Variants in MED12L observed in about 807,000 individuals in gnomAD.
The protein encoded by MED12L is mediator of RNA polymerase II transcription subunit 12-like protein.
In MED12L, 60 loss-of-function variants were observed where a neutral mutation model predicts 281.3. That is an observed-to-expected ratio of 0.21 (90% CI 0.17 to 0.26). The LOEUF (loss-of-function observed/expected upper bound fraction) is 0.26, where lower values mean the gene tolerates loss of function less well. Ranked by LOEUF, MED12L falls within the 10% of genes least tolerant of loss-of-function variation. The probability of loss-of-function intolerance (pLI) is 1.00; values close to 1 mark genes in which losing one functional copy is unlikely to be tolerated. For missense variants in MED12L, 2,146 were observed against 2,680.9 expected (o/e 0.80, Z 4.41); for synonymous variants, 974 against 987.2 (o/e 0.99, Z 0.25).
intron 16 of MED12L, among the ~76,000 whole-genome samples, chr3:151,240,157 G>T (rs16863276): frequency 6.6e-6 from 1 of 151,912 alleles, no homozygotes; most frequent in Non-Finnish European, 1.5e-5. Flanking sequence ...GAGTGGCCCC[G>T]TTTTTTAGAG....
chr3:151,361,315 C>T (rs919688123), intron 21 of MED12L, among the ~76,000 whole-genome samples: 1 of 151,882 alleles, frequency 6.6e-6, no homozygotes, highest in East Asian at 1.9e-4. Flanking sequence ...TGACCAGTAC[C>T]CTCACTGAAT....
intron 16 of MED12L, among the ~76,000 whole-genome samples, chr3:151,241,281 A>G (rs1208996016): frequency 1.3e-5 from 2 of 152,248 alleles, no homozygotes; most frequent in Non-Finnish European, 2.9e-5. Flanking sequence ...ACCAAAGGTT[A>G]TTAGTAAAAT....
chr3:151,393,379 C>T (rs1179774632), intron 38 of MED12L, among the ~76,000 whole-genome samples: 1 of 152,094 alleles, frequency 6.6e-6, no homozygotes, highest in East Asian at 1.9e-4. Flanking sequence ...AAGGTTTAGT[C>T]AATTACGGTG....
intron 16 of MED12L, among the ~76,000 whole-genome samples, chr3:151,231,775 A>G (rs1261444627): frequency 6.6e-4 from 100 of 152,226 alleles, no homozygotes; most frequent in Admixed American, 6.5e-3. Flanking sequence ...AATATTACTG[A>G]GTAATAATCT....
At chr3:151,315,012 ACTGGGGGATG>A (rs1283736948) in intron 16 of MED12L, among the ~76,000 whole-genome samples, 1 of 152,076 alleles carries the variant, frequency 6.6e-6, no homozygotes, top group Non-Finnish European at 1.5e-5. Context: ...TACCCTGGAG[ACTGGGGGATG>A]CTTCTAGGGA....
intron 27 of MED12L, 127 bp from the exon 28 acceptor site, chr3:151,375,899 G>A (rs1234287199): frequency 9.4e-6 from 5 of 534,096 alleles, no homozygotes; most frequent in Non-Finnish European, 1.4e-5. Context: ...ACTTTTTAAT[G>A]TAATTTTTTA....
chr3:151,095,751 C>G (rs1204501733), intron 2 of MED12L, among the ~76,000 whole-genome samples: 1 of 151,888 alleles, frequency 6.6e-6, no homozygotes, highest in Non-Finnish European at 1.5e-5. Flanking sequence ...TTTTTAAAGC[C>G]AGATCCTAGC....
chr3:151,138,657 G>T (rs943085558), intron 5 of MED12L, among the ~76,000 whole-genome samples: 12 of 152,118 alleles, frequency 7.9e-5, no homozygotes, highest in African/African-American at 2.9e-4. Context: ...GTTATCTTCT[G>T]TTGGAATTTG....
intron 37 of MED12L, among the ~76,000 whole-genome samples, chr3:151,388,979 A>G (rs1021916423): frequency 6.6e-6 from 1 of 152,236 alleles, no homozygotes; most frequent in African/African-American, 2.4e-5. Flanking sequence ...TCATTCAGAT[A>G]TTCATGATTG....
chr3:151,294,921 A>G, intron 16 of MED12L: 1 of 1,614,184 alleles, frequency 6.2e-7, no homozygotes, highest in East Asian at 2.2e-5. Flanking sequence ...ATAAACTTGA[A>G]GTACCAAGGT....
At position 151,345,574 on chromosome 3, in the gene MED12L, A is replaced by G. The variant is rs546577038; in HGVS notation, c.2251-4485A>G. ...CTCTTGTCACCCAGGCTGGAGTGCA[A>G]TGGCACCATCTCGGCTCACTGCAAC... is the stretch of plus-strand genomic sequence containing the variant. On this transcript the variant is annotated intron_variant, in intron 16 of 44. Coordinates refer to ENST00000687756, the MANE Select transcript of MED12L (RefSeq NM_001393769.1). Among the ~76,000 whole-genome samples, 6 of 147,332 alleles carry G rather than the reference A, an allele frequency of 4.1e-5. No individual in the cohort carries two copies. In the South Asian group the frequency reaches 6.4e-4, roughly 16 times the overall value.
intron 16 of MED12L, among the ~76,000 whole-genome samples, chr3:151,285,774 C>T (rs564872289): frequency 6.6e-6 from 1 of 152,166 alleles, no homozygotes; most frequent in East Asian, 1.9e-4. Flanking sequence ...GTGACTAGGC[C>T]ATGAGGGTAG....
Position 151,165,991 on chromosome 3 carries a change from TTTTTTTTTAA to T in MED12L, c.1494+12_1494+21del. Reference sequence around the variant, plus strand: ...ACAAAGATAACCAAGAGGTAGTTAATTTTTTTTTAATTCTTTTCACCTTTTATTTTCATAG... The same window carrying T: ...ACAAAGATAACCAAGAGGTAGTTAATTTCTTTTCACCTTTTATTTTCATAG... On this transcript the variant is annotated intron_variant, in intron 11 of 44. Coordinates refer to ENST00000687756, the MANE Select transcript of MED12L (RefSeq NM_001393769.1). The T allele has an allele frequency of 6.5e-7, 1 of 1,546,280 alleles. No individual in the cohort carries two copies.
At chr3:151,276,689 G>T (rs1262483524) in intron 16 of MED12L, among the ~76,000 whole-genome samples, 1 of 152,188 alleles carries the variant, frequency 6.6e-6, no homozygotes, top group Non-Finnish European at 1.5e-5. Flanking sequence ...CTTCTAGGGA[G>T]CCGTGTTCTT....
At chr3:151,242,371 C>T (rs954913080) in intron 16 of MED12L, among the ~76,000 whole-genome samples, 14 of 152,232 alleles carry the variant, frequency 9.2e-5, no homozygotes, top group African/African-American at 3.4e-4. Flanking sequence ...CTTAAATGTC[C>T]CTGTCTGACA....
intron 16 of MED12L, among the ~76,000 whole-genome samples, chr3:151,206,774 A>G (rs1168802213): frequency 6.9e-6 from 1 of 145,710 alleles, no homozygotes; most frequent in African/African-American, 2.6e-5. Flanking sequence ...CCTCCCGAGT[A>G]GCTGGGACTA....
chr3:151,132,685 C>A (rs769933781), intron 5 of MED12L, among the ~76,000 whole-genome samples: 3 of 152,078 alleles, frequency 2.0e-5, no homozygotes, highest in Non-Finnish European at 2.9e-5. Flanking sequence ...TCTCTATATT[C>A]TTATATGTAT....
chr3:151,419,571 G>A (rs572529602), intron 43 of MED12L, among the ~76,000 whole-genome samples: 4 of 151,950 alleles, frequency 2.6e-5, no homozygotes, highest in Admixed American at 6.6e-5. Context: ...CAGACACACC[G>A]AGGATCAATA....
intron 39 of MED12L, 112 bp from the exon 40 acceptor site, chr3:151,409,131 G>A (rs966726862): frequency 6.7e-6 from 5 of 747,110 alleles, no homozygotes; most frequent in Admixed American, 2.5e-5. Flanking sequence ...AAATCTTTGA[G>A]TTCTTTATCC....
Sources: gnomAD v4.1 joint callset for allele counts (sites outside exome capture counted in the v4.1 genomes callset) on GRCh38, gnomAD v4.1.1 for gene constraint, MANE v1.5 for transcripts, NCBI Gene and HGNC (gene_info 2026-07-23, HGNC 2026-07-21) for gene names.